CALN1: variants seen among roughly 807,000 people sequenced by gnomAD.
The protein encoded by CALN1 is calcium-binding protein 8.
Under a neutral mutation model 30.6 loss-of-function variants are expected in CALN1, and 17 were observed. That is an observed-to-expected ratio of 0.56 (90% CI 0.38 to 0.83). The LOEUF (loss-of-function observed/expected upper bound fraction) is 0.83. CALN1 is among the 40% of genes least tolerant of loss of function. CALN1 has a pLI of 0.00. For missense variants in CALN1, 291 were observed against 354.9 expected (o/e 0.82, Z 1.45); for synonymous variants, 156 against 131.4 (o/e 1.19, Z -1.28).
At chr7:72,485,468 C>T in the CALN1 span, among the ~76,000 whole-genome samples, 1 of 152,176 alleles carries the variant, frequency 6.6e-6, no homozygotes. Flanking sequence ...TAAATCCATG[C>T]ATAAATTTCA....
intron 5 of CALN1, among the ~76,000 whole-genome samples, chr7:71,922,886 ATT>A (rs912830114): frequency 4.7e-4 from 44 of 94,560 alleles, no homozygotes; most frequent in Non-Finnish European, 7.5e-4. Flanking sequence ...AAACATATAT[ATT>A]AATATATATG....
chr7:72,127,897 A>C (rs1435144768), intron 3 of CALN1, among the ~76,000 whole-genome samples: 1 of 152,176 alleles, frequency 6.6e-6, no homozygotes, highest in Admixed American at 6.6e-5. Context: ...ATGCTGATTT[A>C]AGCTAGAGAG....
chr7:72,241,070 A>C (rs1287842601), intron 3 of CALN1, among the ~76,000 whole-genome samples: 1 of 152,196 alleles, frequency 6.6e-6, no homozygotes, highest in Non-Finnish European at 1.5e-5. Flanking sequence ...GAACCATTTC[A>C]ATTCCAATCT....
intron 2 of CALN1, among the ~76,000 whole-genome samples, chr7:72,289,803 T>C (rs1798348950): frequency 6.6e-6 from 1 of 152,070 alleles, no homozygotes; most frequent in South Asian, 2.1e-4. Flanking sequence ...TAAGAATGAA[T>C]GCATAGGCTG....
chr7:71,961,708 C>G (rs1797256397), intron 5 of CALN1, among the ~76,000 whole-genome samples: 2 of 152,188 alleles, frequency 1.3e-5, no homozygotes. Flanking sequence ...ATTGCATCTC[C>G]TAGACAAACT....
In CALN1 at chr7:72,347,491, C is replaced by G. The variant is rs146466499; in HGVS notation, c.119+55760G>C. Among the ~76,000 whole-genome samples the G allele has an allele frequency of 2.0e-3, 310 of 152,106 alleles. 1 individual carries two copies. The highest frequency in any genetic ancestry group is 6.6e-3 in the African/African-American group (275 of 41,478). On this transcript the variant is annotated intron_variant, in intron 2 of 6. Coordinates refer to ENST00000395275, the MANE Select transcript of CALN1 (RefSeq NM_031468.4). ...ATGTCGGTCAGGCTGGTCTCCAACTCCCGACCTCAGGTGATGCGCCAGCCT... is the reference window on the plus strand; with the variant it reads ...ATGTCGGTCAGGCTGGTCTCCAACTGCCGACCTCAGGTGATGCGCCAGCCT...
chr7:72,489,316 C>G, the CALN1 span, among the ~76,000 whole-genome samples: 2 of 152,176 alleles, frequency 1.3e-5, no homozygotes, highest in African/African-American at 4.8e-5. Flanking sequence ...ACCTGTGATC[C>G]CAGCCCTCCT....
intron 2 of CALN1, among the ~76,000 whole-genome samples, chr7:72,284,154 G>T (rs1797916478): frequency 6.6e-6 from 1 of 152,108 alleles, no homozygotes. Context: ...TTTTAGTCAG[G>T]CATGGTGGTG....
chr7:72,265,662 G>A (rs959996725), intron 3 of CALN1, among the ~76,000 whole-genome samples: 3 of 152,008 alleles, frequency 2.0e-5, no homozygotes, highest in Non-Finnish European at 2.9e-5. Context: ...AGATAAACAC[G>A]TGGTTACTCC....
At chr7:72,418,632 A>G (rs748861850) in intron 1 of CALN1, among the ~76,000 whole-genome samples, 2 of 151,612 alleles carry the variant, frequency 1.3e-5, no homozygotes, top group African/African-American at 4.9e-5. Context: ...CCCGGCTCAC[A>G]TAGGGCTCCT....
chr7:72,406,628 C>CTTTTTT (rs71914682), intron 1 of CALN1, among the ~76,000 whole-genome samples: 44,879 of 144,386 alleles, frequency 0.31, 7,436 homozygotes, highest in East Asian at 0.48. Flanking sequence ...TTTTTTTTTT[C>CTTTTTT]TTTTTTAAGA....
At chr7:72,051,214 T>C (rs1259952621) in intron 4 of CALN1, among the ~76,000 whole-genome samples, 1 of 151,834 alleles carries the variant, frequency 6.6e-6, no homozygotes, top group African/African-American at 2.4e-5. Context: ...TTGAGAAAAC[T>C]ATAAAATATA....
chr7:72,460,980 T>C, the CALN1 span, among the ~76,000 whole-genome samples: 1 of 152,164 alleles, frequency 6.6e-6, no homozygotes, highest in African/African-American at 2.4e-5. Context: ...AGAAACAGCA[T>C]GTTCCAACCA....
At position 72,157,913 on chromosome 7, in the gene CALN1, T is replaced by C. The variant is rs551089423; in HGVS notation, c.245-51619A>G. ...CACCCGCCACCATGCCTGGCTAATA[T>C]TTTTTATGTTTAATAGAGACAGGGT... is the stretch of plus-strand genomic sequence containing the variant. On this transcript the variant is annotated intron_variant, in intron 3 of 6. Transcript: ENST00000395275. Among the ~76,000 whole-genome samples, 9 of 152,236 alleles carry C rather than the reference T, an allele frequency of 5.9e-5. No individual in the cohort carries two copies. In the South Asian group the frequency reaches 1.9e-3, roughly 32 times the overall value.
intron 1 of CALN1, among the ~76,000 whole-genome samples, chr7:72,433,429 G>A (rs897916940): frequency 6.6e-6 from 1 of 152,148 alleles, no homozygotes; most frequent in Admixed American, 6.5e-5. Context: ...CACTGGCCCT[G>A]AGTTTTTCAG....
At chr7:71,971,957 G>GAAAGAAAGAAAA (rs1797844382) in intron 5 of CALN1, among the ~76,000 whole-genome samples, 1 of 53,220 alleles carries the variant, frequency 1.9e-5, no homozygotes, top group African/African-American at 6.9e-5. Context: ...AAAAAAAAAA[G>GAAAGAAAGAAAA]AAAGAAAGAA....
rs114655244 is a variant in CALN1, at chr7:71,889,391, G to A, written c.502-78899C>T. ...AGTACATGCAAGGTAAAAACTTGAC[G>A]TTGGGGCAAAAAAAAATCACTCTAT... On this transcript the variant is annotated intron_variant, in intron 5 of 6. Coordinates refer to ENST00000395275, the MANE Select transcript of CALN1 (RefSeq NM_031468.4). Among the ~76,000 whole-genome samples, 950 of 151,878 alleles carry A rather than the reference G, an allele frequency of 6.3e-3. 14 individuals are homozygous for A. The highest frequency in any genetic ancestry group is 0.02 in the African/African-American group (839 of 41,444).
At position 72,040,124 on chromosome 7, in the gene CALN1, T is replaced by G. The variant is rs138433234; in HGVS notation, c.389-16355A>C. Reference sequence around the variant, plus strand: ...CCACCCTGAGAAGGTTAGGAAAAAATTCAACTATTTCCCAAGGAAATTCTT... The same window carrying G: ...CCACCCTGAGAAGGTTAGGAAAAAAGTCAACTATTTCCCAAGGAAATTCTT... On this transcript the variant is annotated intron_variant, in intron 4 of 6. Transcript: ENST00000395275. Among the ~76,000 whole-genome samples the G allele has an allele frequency of 1.8e-3, 274 of 152,206 alleles. 1 individual carries two copies. The highest frequency in any genetic ancestry group is 3.1e-3 in the Non-Finnish European group (210 of 67,998).
At chr7:72,499,845 C>CTTTCTT in the CALN1 span, among the ~76,000 whole-genome samples, 1 of 28,034 alleles carries the variant, frequency 3.6e-5, no homozygotes, top group East Asian at 7.2e-4. Flanking sequence ...TTCTTTCTTT[C>CTTTCTT]TTTCTTTCTT....
Sources: allele counts gnomAD v4.1 joint callset (sites outside exome capture counted in the v4.1 genomes callset), GRCh38; gene constraint gnomAD v4.1.1; transcripts MANE v1.5; gene names NCBI Gene and HGNC (gene_info 2026-07-23, HGNC 2026-07-21).